TMTC1: variants seen among roughly 807,000 people sequenced by gnomAD.
TMTC1 encodes the protein protein O-mannosyl-transferase TMTC1.
Under a neutral mutation model 104.8 loss-of-function variants are expected in TMTC1, and 73 were observed. The observed-to-expected ratio is 0.70, with a 90% CI of 0.58 to 0.85. TMTC1 has a LOEUF of 0.85. TMTC1 is among the 40% of genes least tolerant of loss of function. TMTC1 has a pLI of 0.00. For missense variants in TMTC1, 1,035 were observed against 1,096.1 expected (o/e 0.94, Z 0.79); for synonymous variants, 434 against 428.7 (o/e 1.01, Z -0.15).
intron 5 of TMTC1, among the ~76,000 whole-genome samples, chr12:29,709,859 G>A (rs986796446): frequency 6.6e-6 from 1 of 152,170 alleles, no homozygotes; most frequent in African/African-American, 2.4e-5. Context: ...TAGGTTTCTT[G>A]AGGTTGCTAT....
intron 1 of TMTC1, among the ~76,000 whole-genome samples, chr12:29,782,429 T>C (rs1943855311): frequency 1.3e-5 from 2 of 150,250 alleles, no homozygotes; most frequent in African/African-American, 4.9e-5. Flanking sequence ...CAAATAATCA[T>C]TACCATAAAC....
Position 29,633,071 on chromosome 12 carries a change from C to T in TMTC1, c.1128+76G>A, listed in dbSNP as rs138167923. On this transcript the variant is annotated intron_variant, in intron 6 of 17. Transcript: ENST00000539277. ...AGATTCAATTTACACCCAGACCATCCGCACTAAAAAGAACATTATAGGCAT... is the reference window on the plus strand; with the variant it reads ...AGATTCAATTTACACCCAGACCATCTGCACTAAAAAGAACATTATAGGCAT... 274 of 1,346,702 alleles carry T rather than the reference C, an allele frequency of 2.0e-4. 1 individual carries two copies. The African/African-American group carries it at 3.3e-3, about 16-fold the overall frequency. The allele number at this position is 1,346,702 out of a possible 1,614,324, so 83.4% of individuals were successfully genotyped here. A position where few individuals can be genotyped will look rare whatever the true frequency, so the allele number is the denominator to read the frequency against.
At chr12:29,725,357 T>C (rs1331102172) in intron 5 of TMTC1, among the ~76,000 whole-genome samples, 1 of 150,976 alleles carries the variant, frequency 6.6e-6, no homozygotes, top group Non-Finnish European at 1.5e-5. Context: ...TTTTTTGGGA[T>C]GGAATTTCGC....
chr12:29,599,968 ATGT>A, intron 7 of TMTC1, among the ~76,000 whole-genome samples: 1 of 131,272 alleles, frequency 7.6e-6, no homozygotes, highest in African/African-American at 3.6e-5. Flanking sequence ...GTATATATAT[ATGT>A]GTGTGTGTGT....
chr12:29,676,202 G>A (rs1382077975), intron 5 of TMTC1, among the ~76,000 whole-genome samples: 2 of 152,146 alleles, frequency 1.3e-5, no homozygotes, highest in African/African-American at 2.4e-5. Flanking sequence ...ACACTGCTAC[G>A]TGTGTCAGAT....
intron 5 of TMTC1, among the ~76,000 whole-genome samples, chr12:29,644,149 G>GTATATA (rs149004557): frequency 0.02 from 966 of 49,384 alleles, 53 homozygotes; most frequent in African/African-American, 0.067. Context: ...GTGTGTGTGT[G>GTATATA]TATATATATA....
intron 8 of TMTC1, among the ~76,000 whole-genome samples, chr12:29,574,802 T>C (rs1945777606): frequency 6.6e-6 from 1 of 152,178 alleles, no homozygotes; most frequent in Admixed American, 6.5e-5. Context: ...CCAGATACAG[T>C]GAAACTGGAG....
Position 29,598,571 on chromosome 12 carries a change from C to T in TMTC1, c.1250+5607G>A, listed in dbSNP as rs141557994. 9.0e-3 allele frequency among the ~76,000 whole-genome samples: 1,375 copies of T among 152,222 alleles called. 18 individuals are homozygous for T. Among genetic ancestry groups the T allele is most frequent in the African/African-American group, 0.031 (1,297 of 41,548 alleles). On this transcript the variant is annotated intron_variant, in intron 7 of 17. Coordinates refer to ENST00000539277, the MANE Select transcript of TMTC1 (RefSeq NM_001193451.2). Reference sequence around the variant, plus strand: ...TGAATTTTATTTCTCAAAAAAGTTCCGTTTCTCACTGAATTTTTTCATTGA... The same window carrying T: ...TGAATTTTATTTCTCAAAAAAGTTCTGTTTCTCACTGAATTTTTTCATTGA...
intron 10 of TMTC1, among the ~76,000 whole-genome samples, chr12:29,544,738 C>T (rs1264446796): frequency 1.3e-5 from 2 of 152,202 alleles, no homozygotes; most frequent in African/African-American, 2.4e-5. Context: ...TAAAACAATG[C>T]TCCCAGGTAG....
chr12:29,679,997 C>A (rs1940860576), intron 5 of TMTC1, among the ~76,000 whole-genome samples: 1 of 151,976 alleles, frequency 6.6e-6, no homozygotes, highest in African/African-American at 2.4e-5. Flanking sequence ...ATTAAAAACC[C>A]CACACACTAT....
chr12:29,715,025 A>T (rs302375), intron 5 of TMTC1, among the ~76,000 whole-genome samples: 152,180 of 152,358 alleles, frequency 1, 76,001 homozygotes, highest in Middle Eastern at 1. Flanking sequence ...TGACAATAGT[A>T]CACTGTCCTG....
At chr12:29,672,399 G>C (rs1940552610) in intron 5 of TMTC1, among the ~76,000 whole-genome samples, 1 of 152,196 alleles carries the variant, frequency 6.6e-6, no homozygotes, top group African/African-American at 2.4e-5. Flanking sequence ...TTGTATTATA[G>C]ATCAGTGCTT....
At chr12:29,660,775 A>G (rs1939981160) in intron 5 of TMTC1, 2 of 812,552 alleles carry the variant, frequency 2.5e-6, no homozygotes, top group Non-Finnish European at 3.3e-6. Flanking sequence ...ATATTTCAAA[A>G]GTATATATAT....
At chr12:29,624,798 G>GAGTGCCTTTTGGT (rs1158946545) in intron 6 of TMTC1, among the ~76,000 whole-genome samples, 2 of 152,202 alleles carry the variant, frequency 1.3e-5, no homozygotes, top group Non-Finnish European at 2.9e-5. Context: ...TTTGTTCACT[G>GAGTGCCTTTTGGT]TGCTAATCAC....
chr12:29,638,149 C>G (rs1938650022), intron 5 of TMTC1, among the ~76,000 whole-genome samples: 1 of 152,104 alleles, frequency 6.6e-6, no homozygotes, highest in South Asian at 2.1e-4. Flanking sequence ...AGAACAGGCA[C>G]TCCTGTTTTC....
At chr12:29,537,657 C>T (rs1944681714) in intron 10 of TMTC1, among the ~76,000 whole-genome samples, 1 of 152,114 alleles carries the variant, frequency 6.6e-6, no homozygotes, top group Non-Finnish European at 1.5e-5. Context: ...TCAAAAGATT[C>T]CCAGGTGATC....
Position 29,604,212 on chromosome 12 carries a change from A to T in TMTC1, c.1216T>A (p.Phe406Ile). The change falls in exon 7 of 18, where the codon TTT (phenylalanine) becomes ATT (isoleucine). Residue 406 changes from phenylalanine to isoleucine, a missense_variant. By Grantham distance (21) the Phe-to-Ile change is conservative. Transcript: ENST00000539277. ...TAAAGGACTCTCTCCGCCACCACAA[A>T]ACCCACCCTGAAGAAGAGGTTGCTG... ...PASNLFFRVG[F>I]VVAERVLYMP... 1.2e-6 allele frequency: 2 copies of T among 1,613,960 alleles called. No individual in the cohort carries two copies. Among genetic ancestry groups the T allele is most frequent in the Non-Finnish European group, 8.5e-7 (1 of 1,179,884 alleles).
intron 6 of TMTC1, among the ~76,000 whole-genome samples, chr12:29,607,259 G>A (rs1019828871): frequency 6.6e-6 from 1 of 152,238 alleles, no homozygotes; most frequent in African/African-American, 2.4e-5. Flanking sequence ...TAGAATGTGA[G>A]CTCCATGAGC....
intron 8 of TMTC1, among the ~76,000 whole-genome samples, chr12:29,573,758 T>A (rs1945744901): frequency 6.6e-6 from 1 of 151,748 alleles, no homozygotes; most frequent in African/African-American, 2.4e-5. Context: ...AAATTCAGAG[T>A]CGCTGGATCA....
Sources: allele counts gnomAD v4.1 joint callset (sites outside exome capture counted in the v4.1 genomes callset), GRCh38; gene constraint gnomAD v4.1.1; transcripts MANE v1.5; gene names NCBI Gene and HGNC (gene_info 2026-07-23, HGNC 2026-07-21).